The following SSBP2 variants were observed in gnomAD, a reference collection of about 807,000 sequenced individuals.
The protein encoded by SSBP2 is single-stranded DNA-binding protein 2.
A neutral mutation model predicts 61.8 loss-of-function variants in SSBP2; 17 were observed. That is an observed-to-expected ratio of 0.28 (90% CI 0.19 to 0.41). The LOEUF is 0.41. Among genes scored for constraint, SSBP2 ranks in the 10% least tolerant of loss-of-function variants. The pLI, the probability that SSBP2 is intolerant of heterozygous loss-of-function variation, is 1.00. For missense variants in SSBP2, 310 were observed against 458.7 expected, an observed-to-expected ratio of 0.68 and a Z score of 2.96; for synonymous variants, 139 against 141.3, an observed-to-expected ratio of 0.98 and a Z score of 0.12.
intron 2 of SSBP2, among the ~76,000 whole-genome samples, chr5:81,643,533 G>GTA (rs1748977495): frequency 6.7e-6 from 1 of 149,150 alleles, no homozygotes; most frequent in Admixed American, 6.7e-5. Context: ...AGAAGCATGA[G>GTA]TATATCTATA....
chr5:81,540,080 T>C (rs1771137743), intron 4 of SSBP2, among the ~76,000 whole-genome samples: 2 of 152,196 alleles, frequency 1.3e-5, no homozygotes, highest in South Asian at 4.1e-4. Flanking sequence ...ACTCATCCTT[T>C]TTTATGGCTG....
intron 1 of SSBP2, among the ~76,000 whole-genome samples, chr5:81,729,277 G>A (rs1444311021): frequency 6.6e-6 from 1 of 152,090 alleles, no homozygotes; most frequent in Non-Finnish European, 1.5e-5. Flanking sequence ...ATCTGAACTA[G>A]CCTACCTTCA....
intron 1 of SSBP2, among the ~76,000 whole-genome samples, chr5:81,682,079 C>A (rs1410221668): frequency 6.6e-6 from 1 of 152,094 alleles, no homozygotes; most frequent in Non-Finnish European, 1.5e-5. Flanking sequence ...TAATAATGTT[C>A]CAAAAGAGAA....
chr5:81,543,314 A>G (rs2154119889), intron 4 of SSBP2, among the ~76,000 whole-genome samples: 1 of 152,346 alleles, frequency 6.6e-6, no homozygotes, highest in East Asian at 1.9e-4. Flanking sequence ...GTATCTCTGT[A>G]GCAGTCTAAG....
chr5:81,552,367 G>A (rs918205898), intron 4 of SSBP2, among the ~76,000 whole-genome samples: 2 of 152,150 alleles, frequency 1.3e-5, no homozygotes, highest in African/African-American at 4.8e-5. Flanking sequence ...GCCGGGCACG[G>A]TGGCTCATGT....
chr5:81,525,178 C>T (rs770685438), intron 4 of SSBP2, among the ~76,000 whole-genome samples: 74 of 152,060 alleles, frequency 4.9e-4, no homozygotes, highest in Middle Eastern at 6.8e-3. Flanking sequence ...CTAGGGCTCA[C>T]ATTTTTTTAA....
chr5:81,654,346 A>G (rs1384917170), intron 1 of SSBP2, among the ~76,000 whole-genome samples: 1 of 152,124 alleles, frequency 6.6e-6, no homozygotes, highest in East Asian at 1.9e-4. Context: ...TTTTCATAGT[A>G]CCTTTTGCTC....
chr5:81,692,159 A>C (rs1278626802), intron 1 of SSBP2, among the ~76,000 whole-genome samples: 2 of 152,250 alleles, frequency 1.3e-5, no homozygotes, highest in Non-Finnish European at 2.9e-5. Context: ...AATTTGGGAA[A>C]GCTGCAGGAA....
At chr5:81,588,787 C>T (rs563015626) in intron 4 of SSBP2, among the ~76,000 whole-genome samples, 84 of 152,134 alleles carry the variant, frequency 5.5e-4, no homozygotes, top group Non-Finnish European at 1.1e-3. Flanking sequence ...TTAATGGGCC[C>T]GTGCAGTGGT....
intron 9 of SSBP2, among the ~76,000 whole-genome samples, chr5:81,466,219 A>T (rs1218732423): frequency 6.6e-6 from 1 of 152,082 alleles, no homozygotes; most frequent in East Asian, 1.9e-4. Flanking sequence ...AATGAAAGTC[A>T]CTAACAAGTA....
intron 9 of SSBP2, among the ~76,000 whole-genome samples, chr5:81,461,834 T>C (rs1481997018): frequency 1.3e-5 from 2 of 152,158 alleles, no homozygotes; most frequent in African/African-American, 2.4e-5. Flanking sequence ...ACTGAGTTTT[T>C]AAAGTAAAAT....
intron 11 of SSBP2, among the ~76,000 whole-genome samples, chr5:81,447,507 T>C (rs1763482902): frequency 6.6e-6 from 1 of 152,208 alleles, no homozygotes; most frequent in African/African-American, 2.4e-5. Flanking sequence ...GGCGATTAGG[T>C]AATTCTAAAA....
intron 10 of SSBP2, among the ~76,000 whole-genome samples, chr5:81,450,990 C>G (rs1763730755): frequency 6.6e-6 from 1 of 152,136 alleles, no homozygotes; most frequent in South Asian, 2.1e-4. Flanking sequence ...TTTGGCTCAG[C>G]CTTTATGAAA....
At chr5:81,706,336 G>A (rs1359918670) in intron 1 of SSBP2, among the ~76,000 whole-genome samples, 2 of 152,102 alleles carry the variant, frequency 1.3e-5, no homozygotes, top group Non-Finnish European at 2.9e-5. Context: ...TTCTAGAGGG[G>A]AGAGGGAAGG....
intron 6 of SSBP2, among the ~76,000 whole-genome samples, chr5:81,476,314 T>G (rs990995564): frequency 1.3e-5 from 2 of 152,190 alleles, no homozygotes; most frequent in Non-Finnish European, 2.9e-5. Context: ...CAATAATGTT[T>G]CTTTTTTCTT....
intron 1 of SSBP2, among the ~76,000 whole-genome samples, chr5:81,749,675 A>AG (rs1256391130): frequency 1.1e-3 from 158 of 149,506 alleles, no homozygotes; most frequent in Admixed American, 2.1e-3. Context: ...TTAAAAAAAA[A>AG]AGGGGGGGGT....
chr5:81,611,210 CA>C, intron 4 of SSBP2, among the ~76,000 whole-genome samples: 1 of 152,096 alleles, frequency 6.6e-6, no homozygotes, highest in Non-Finnish European at 1.5e-5. Context: ...CAACCCCCAT[CA>C]AAAACAAGAC....
chr5:81,667,951 C>T (rs1751286328), intron 1 of SSBP2, among the ~76,000 whole-genome samples: 1 of 151,962 alleles, frequency 6.6e-6, no homozygotes, highest in Non-Finnish European at 1.5e-5. Flanking sequence ...GGCAAAATGT[C>T]CTAGAACAGT....
intron 9 of SSBP2, among the ~76,000 whole-genome samples, chr5:81,462,777 T>TA (rs1038548999): frequency 3.1e-4 from 47 of 152,030 alleles, no homozygotes; most frequent in Admixed American, 1.9e-3. Context: ...TAAAACACAG[T>TA]AAAAAAACTT....
Sources: gnomAD v4.1 joint callset for allele counts (sites outside exome capture counted in the v4.1 genomes callset) on GRCh38, gnomAD v4.1.1 for gene constraint, MANE v1.5 for transcripts, NCBI Gene and HGNC (gene_info 2026-07-23, HGNC 2026-07-21) for gene names.